C14orf132: variants seen among roughly 807,000 people sequenced by gnomAD.
C14orf132 encodes the protein uncharacterized protein C14orf132.
C14orf132 carries 6 observed loss-of-function variants against 5.8 expected under a neutral mutation model. The ratio of observed to expected loss-of-function variants is 1.03; its 90% CI spans 0.57 to 2.04. The LOEUF is 2.04. Among genes scored for constraint, C14orf132 ranks in the 30% most tolerant of loss-of-function variants. The pLI, the probability that C14orf132 is intolerant of heterozygous loss-of-function variation, is 0.00. For synonymous variants in C14orf132, 51 were observed against 49.8 expected (o/e 1.02, Z -0.10); for missense variants, 125 against 115.8 (o/e 1.08, Z -0.37).
chr14:96,069,179 G>GTGTATATATA (rs752681569), intron 1 of C14orf132, among the ~76,000 whole-genome samples: 1 of 48,762 alleles, frequency 2.1e-5, no homozygotes, highest in African/African-American at 5.0e-5. Flanking sequence ...ATATATATAT[G>GTGTATATATA]TATATATATA....
chr14:96,048,650 C>T (rs1402511805), intron 1 of C14orf132, among the ~76,000 whole-genome samples: 5 of 152,088 alleles, frequency 3.3e-5, no homozygotes, highest in Admixed American at 1.3e-4. Context: ...CTCAGCCTCC[C>T]GAATAGACGG....
intron 1 of C14orf132, among the ~76,000 whole-genome samples, chr14:96,070,442 GC>G (rs1595183112): frequency 6.6e-6 from 1 of 152,054 alleles, no homozygotes; most frequent in Non-Finnish European, 1.5e-5. Context: ...CCTTGAGGAA[GC>G]CCATGGCAGA....
Position 96,039,645 on chromosome 14 carries a change from G to T in C14orf132, c.27+118G>T. On this transcript the variant is annotated intron_variant, in intron 1 of 1. Transcript: ENST00000555004. The surrounding 1 kb of genome is among the most constrained non-coding windows in gnomAD (Gnocchi z 5.3). The stretch of plus-strand genomic sequence containing the variant: ...GCGCCCGCCCGCGATCCGCGTCCCG[G>T]TCCTTTGTCCCGAGCCGGACACCCC... 2 of 1,104,942 alleles carry T rather than the reference G, an allele frequency of 1.8e-6. No individual in the cohort carries two copies. The highest frequency in any genetic ancestry group is 2.4e-6 in the Non-Finnish European group (2 of 834,728). The allele number at this position is 1,104,942 out of a possible 1,614,324, so 68.4% of individuals were successfully genotyped here. A position where few individuals can be genotyped will look rare whatever the true frequency, so the allele number is the denominator to read the frequency against.
chr14:96,049,653 T>TAGAGAGAGAG lies in C14orf132; in HGVS notation c.27+10137_27+10146dup, dbSNP rs1555384130. Among the ~76,000 whole-genome samples the TAGAGAGAGAG allele has an allele frequency of 9.8e-4, 81 of 82,280 alleles. 10 individuals carry two copies. Among genetic ancestry groups the TAGAGAGAGAG allele is most frequent in the African/African-American group, 3.5e-3 (76 of 21,758 alleles). The allele number at this position is 82,280 out of a possible 152,430, so 54.0% of individuals were successfully genotyped here. A position where few individuals can be genotyped will look rare whatever the true frequency, so the allele number is the denominator to read the frequency against. On this transcript the variant is annotated intron_variant, in intron 1 of 1. Coordinates refer to ENST00000555004, the MANE Select transcript of C14orf132 (RefSeq NM_001252507.3). ...ATACATATATACGTATATATATATATAGAGAGAGAGAGAGAGAGAGTTCTG... is the reference window on the plus strand; with the variant it reads ...ATACATATATACGTATATATATATATAGAGAGAGAGAGAGAGAGAGAGAGAGAGAGTTCTG...
chr14:96,060,223 A>G (rs543377624), intron 1 of C14orf132, among the ~76,000 whole-genome samples: 2 of 152,154 alleles, frequency 1.3e-5, no homozygotes, highest in Non-Finnish European at 2.9e-5. Context: ...GTGGCTCCCC[A>G]GCACAGGACA....
chr14:96,042,447 G>A (rs1268982308), intron 1 of C14orf132, among the ~76,000 whole-genome samples: 1 of 152,200 alleles, frequency 6.6e-6, no homozygotes, highest in Non-Finnish European at 1.5e-5. Flanking sequence ...GATTCCTGGG[G>A]CTGGGCATGC....
intron 1 of C14orf132, among the ~76,000 whole-genome samples, chr14:96,084,125 A>T (rs1230765370): frequency 6.6e-6 from 1 of 152,226 alleles, no homozygotes; most frequent in East Asian, 1.9e-4. Context: ...AGAGAGCTCC[A>T]TAGGGTGGGA....
chr14:96,053,198 G>A (rs1461817208), intron 1 of C14orf132, among the ~76,000 whole-genome samples: 1 of 152,196 alleles, frequency 6.6e-6, no homozygotes, highest in African/African-American at 2.4e-5. Flanking sequence ...GGGGATGGTT[G>A]AAACCATGTC....
intron 1 of C14orf132, among the ~76,000 whole-genome samples, chr14:96,086,183 G>A (rs72702880): frequency 0.22 from 33,778 of 151,988 alleles, 4,086 homozygotes; most frequent in Middle Eastern, 0.36. Context: ...AACCCATATC[G>A]TTATGGAGGA....
At chr14:96,046,778 G>A (rs191694937) in intron 1 of C14orf132, among the ~76,000 whole-genome samples, 23 of 152,326 alleles carry the variant, frequency 1.5e-4, no homozygotes, top group Admixed American at 9.8e-4. Context: ...TAAAGAGAAG[G>A]TCCCCCAGGA....
Position 96,039,494 on chromosome 14 carries a change from C to A in C14orf132, c.-7C>A. 1.3e-6 allele frequency: 2 copies of A among 1,497,288 alleles called. No individual in the cohort carries two copies. Among genetic ancestry groups the A allele is most frequent in the South Asian group, 1.3e-5 (1 of 79,992 alleles). 92.8% of individuals were successfully genotyped at this position (1,497,288 alleles called of 1,614,324 possible). On this transcript the variant is annotated 5_prime_UTR_variant, in exon 1 of 2. Coordinates refer to ENST00000555004, the MANE Select transcript of C14orf132 (RefSeq NM_001252507.3). This position sits in a 1 kb window ranked among gnomAD's most constrained non-coding sequence, Gnocchi z 5.3. ...GCGAGGACTCGAGCGCTGGCTGCAG[C>A]GACACCATGGATCTCTCCTTTATGG...
rs546417462 is a variant in C14orf132 at position 96,090,849 on chromosome 14, G to A, written c.*4114G>A. 48 of 456,140 alleles carry A rather than the reference G, an allele frequency of 1.1e-4. 1 individual carries two copies. The highest frequency in any genetic ancestry group is 7.3e-4 in the South Asian group (47 of 64,568). 28.3% of individuals were successfully genotyped at this position (456,140 alleles called of 1,614,324 possible). ...AGACCGAAGAGGCTCAGTGGAGTCT[G>A]TCTGTTGTCAGCACTGCTGCCTGAT... On this transcript the variant is annotated 3_prime_UTR_variant, in exon 2 of 2. Coordinates refer to ENST00000555004, the MANE Select transcript of C14orf132 (RefSeq NM_001252507.3).
At chr14:96,049,776 T>G (rs1886977832) in intron 1 of C14orf132, among the ~76,000 whole-genome samples, 1 of 146,582 alleles carries the variant, frequency 6.8e-6, no homozygotes, top group South Asian at 2.1e-4. Flanking sequence ...TTTTTTTTTT[T>G]GGTCTTTGTT....
chr14:96,050,195 C>T (rs1886988421), intron 1 of C14orf132, among the ~76,000 whole-genome samples: 1 of 152,154 alleles, frequency 6.6e-6, no homozygotes, highest in African/African-American at 2.4e-5. Flanking sequence ...GTGGTGTATG[C>T]TAGATATTTT....
intron 1 of C14orf132, among the ~76,000 whole-genome samples, chr14:96,045,480 G>A (rs1264925900): frequency 1.3e-5 from 2 of 152,266 alleles, no homozygotes; most frequent in South Asian, 4.1e-4. Flanking sequence ...CAGGGAGCCC[G>A]AAACCAGCCA....
chr14:96,066,881 AC>A (rs1473027981), intron 1 of C14orf132, among the ~76,000 whole-genome samples: 1 of 152,206 alleles, frequency 6.6e-6, no homozygotes, highest in African/African-American at 2.4e-5. Flanking sequence ...TTAGTGTAAG[AC>A]CCCAATAGAG....
rs533714683 is a variant in C14orf132, at chr14:96,086,600, C to T, written c.117C>T (p.His39=). Residue 39 remains histidine, a synonymous_variant, in exon 2 of 2, where the codon CAC becomes CAT. Transcript: ENST00000555004. ...TGTTTAACTCCTCTGCCAATGTCCA[C>T]GCGGCTGCCAATGGCCAGGGCCAGC... is the stretch of plus-strand genomic sequence containing the variant. ...YSLFNSSANV[H]AAANGQGQPE... 1.2e-4 allele frequency: 183 copies of T among 1,536,160 alleles called. No homozygotes were observed. The South Asian group carries it at 1.9e-3, about 16-fold the overall frequency.
chr14:96,072,085 G>T (rs1364351506), intron 1 of C14orf132, among the ~76,000 whole-genome samples: 1 of 152,226 alleles, frequency 6.6e-6, no homozygotes, highest in Non-Finnish European at 1.5e-5. Flanking sequence ...TCAGGGTTAA[G>T]GTGGGGGATA....
At chr14:96,068,477 T>C (rs1468226194) in intron 1 of C14orf132, among the ~76,000 whole-genome samples, 1 of 152,098 alleles carries the variant, frequency 6.6e-6, no homozygotes, top group Non-Finnish European at 1.5e-5. Context: ...TCCCTGTCTG[T>C]AGAAAGAGGC....
Sources: allele counts gnomAD v4.1 joint callset (sites outside exome capture counted in the v4.1 genomes callset), GRCh38; gene constraint gnomAD v4.1.1; non-coding constraint Gnocchi (gnomAD v3.1); transcripts MANE v1.5; gene names NCBI Gene and HGNC (gene_info 2026-07-23, HGNC 2026-07-21).